The following FAM110B variants were observed in gnomAD, a reference collection of about 807,000 sequenced individuals.
FAM110B encodes the protein family with sequence similarity 110 member B, also known as protein FAM110B.
A neutral mutation model predicts 20.4 loss-of-function variants in FAM110B; 6 were observed. That is an observed-to-expected ratio of 0.29 (90% CI 0.16 to 0.58). The LOEUF (loss-of-function observed/expected upper bound fraction) is 0.58. FAM110B is among the 20% of genes least tolerant of loss of function. FAM110B has a pLI of 0.90. For synonymous variants in FAM110B, 226 were observed against 214.1 expected (o/e 1.06, Z -0.49); for missense variants, 434 against 498.2 (o/e 0.87, Z 1.23).
chr8:57,996,995 C>T (rs1386915784), intron 1 of FAM110B, among the ~76,000 whole-genome samples: 3 of 152,188 alleles, frequency 2.0e-5, no homozygotes, highest in Non-Finnish European at 4.4e-5. Context: ...AAATGATTGT[C>T]AGGAGTTTAC....
chr8:58,039,945 T>G (rs1450445611), intron 2 of FAM110B, among the ~76,000 whole-genome samples: 1 of 152,266 alleles, frequency 6.6e-6, no homozygotes, highest in East Asian at 1.9e-4. Flanking sequence ...GTCTCTAATT[T>G]TTAAATTTTG....
At chr8:58,104,022 A>C (rs1171581353) in intron 3 of FAM110B, among the ~76,000 whole-genome samples, 1 of 152,244 alleles carries the variant, frequency 6.6e-6, no homozygotes, top group Non-Finnish European at 1.5e-5. Flanking sequence ...TGAGTGAATA[A>C]AAGACTAAGG....
In FAM110B at chr8:58,146,290, C is replaced by G. The variant is rs765590554; in HGVS notation, c.60C>G (p.Thr20=). 1.2e-6 allele frequency: 2 copies of G among 1,613,818 alleles called. No individual in the cohort carries two copies. Among genetic ancestry groups the G allele is most frequent in the Non-Finnish European group, 1.7e-6 (2 of 1,179,920 alleles). Residue 20 remains threonine, a synonymous_variant, in exon 4 of 4, where the codon ACC becomes ACG. Transcript: ENST00000519262. The part of the protein sequence containing the change: ...SMVKPVSPAG[T]FTSAVPLRIL... Reference sequence around the variant, plus strand: ...TGAAGCCGGTCAGCCCCGCGGGCACCTTCACCTCTGCTGTGCCCCTGCGCA... The same window carrying G: ...TGAAGCCGGTCAGCCCCGCGGGCACGTTCACCTCTGCTGTGCCCCTGCGCA...
At chr8:58,100,212 G>A (rs924725439) in intron 3 of FAM110B, among the ~76,000 whole-genome samples, 5 of 151,526 alleles carry the variant, frequency 3.3e-5, no homozygotes, top group Non-Finnish European at 5.9e-5. Flanking sequence ...CACTGAAATG[G>A]CACTTCCCTG....
At chr8:58,025,384 G>A (rs1482026905) in intron 1 of FAM110B, among the ~76,000 whole-genome samples, 1 of 152,170 alleles carries the variant, frequency 6.6e-6, no homozygotes, top group Non-Finnish European at 1.5e-5. Context: ...AAGGCAAGAA[G>A]AAGCATGGCC....
At chr8:58,066,320 C>T (rs777380714) in intron 2 of FAM110B, among the ~76,000 whole-genome samples, 31 of 152,294 alleles carry the variant, frequency 2.0e-4, no homozygotes, top group Non-Finnish European at 3.4e-4. Flanking sequence ...AACTCACACT[C>T]GGTGTTCGGG....
chr8:58,107,444 C>G (rs1015077505), intron 3 of FAM110B, among the ~76,000 whole-genome samples: 7 of 152,124 alleles, frequency 4.6e-5, no homozygotes, highest in African/African-American at 1.4e-4. Context: ...AGTGACAGTT[C>G]TAGTCTCTTG....
chr8:58,079,525 G>A (rs895733979), intron 3 of FAM110B, among the ~76,000 whole-genome samples: 1 of 152,090 alleles, frequency 6.6e-6, no homozygotes, highest in South Asian at 2.1e-4. Context: ...GCTTGTAATC[G>A]CAGCACTTTT....
At chr8:58,022,083 G>A (rs935152266) in intron 1 of FAM110B, among the ~76,000 whole-genome samples, 2 of 152,160 alleles carry the variant, frequency 1.3e-5, no homozygotes, top group African/African-American at 4.8e-5. Flanking sequence ...CCTGCTAGTA[G>A]TGTAGTCAGG....
intron 3 of FAM110B, among the ~76,000 whole-genome samples, chr8:58,138,838 A>G (rs1803680419): frequency 6.6e-6 from 1 of 152,198 alleles, no homozygotes; most frequent in Admixed American, 6.5e-5. Flanking sequence ...AGTATTCCTC[A>G]GCACACCTCA....
intron 1 of FAM110B, among the ~76,000 whole-genome samples, chr8:58,029,475 G>A (rs1273833062): frequency 2.0e-5 from 3 of 152,160 alleles, no homozygotes; most frequent in African/African-American, 7.2e-5. Context: ...ACTTTTAACA[G>A]TGGGTTATAT....
chr8:58,102,639 G>A (rs1806805730), intron 3 of FAM110B, among the ~76,000 whole-genome samples: 1 of 152,062 alleles, frequency 6.6e-6, no homozygotes. Flanking sequence ...CACATGCAAC[G>A]ACTAAGCTGG....
chr8:58,108,226 G>A (rs1806969668), intron 3 of FAM110B, among the ~76,000 whole-genome samples: 1 of 152,264 alleles, frequency 6.6e-6, no homozygotes, highest in African/African-American at 2.4e-5. Context: ...CAAGATGCCA[G>A]TGATGGTCAA....
chr8:58,047,796 G>A (rs1449612656), intron 2 of FAM110B, among the ~76,000 whole-genome samples: 2 of 151,998 alleles, frequency 1.3e-5, no homozygotes, highest in African/African-American at 4.8e-5. Context: ...TATTCAGTGT[G>A]CATAATGAAT....
intron 2 of FAM110B, among the ~76,000 whole-genome samples, chr8:58,071,608 C>G: frequency 6.6e-6 from 1 of 152,168 alleles, no homozygotes; most frequent in East Asian, 1.9e-4. Flanking sequence ...ACCAACCGTG[C>G]CTCCCTCCCC....
intron 1 of FAM110B, among the ~76,000 whole-genome samples, chr8:58,014,841 G>A (rs999405352): frequency 6.6e-6 from 1 of 152,050 alleles, no homozygotes; most frequent in African/African-American, 2.4e-5. Flanking sequence ...AAAAGAAAAT[G>A]TTTTTGTACC....
intron 2 of FAM110B, among the ~76,000 whole-genome samples, chr8:58,048,073 C>T (rs1041846941): frequency 5.9e-5 from 9 of 152,280 alleles, no homozygotes; most frequent in African/African-American, 1.9e-4. Flanking sequence ...TTAAACCCAG[C>T]TTGAAGCTCT....
rs1807277673 is a variant in FAM110B, at chr8:58,118,595, A to G, written c.-324-27312A>G. On this transcript the variant is annotated intron_variant, in intron 3 of 3. Coordinates refer to ENST00000519262, the MANE Select transcript of FAM110B (RefSeq NM_001377989.1). ...CTGGGGCTGAGCTGCTGCTGCTTCC[A>G]AAGTGTCTGTGCTAAGGAGACTGTT... Among the ~76,000 whole-genome samples the G allele has an allele frequency of 2.6e-5, 4 of 152,138 alleles. No individual in the cohort carries two copies. The South Asian group carries it at 8.3e-4, about 32-fold the overall frequency.
chr8:58,095,034 C>A (rs942266337), intron 3 of FAM110B, among the ~76,000 whole-genome samples: 1 of 152,096 alleles, frequency 6.6e-6, no homozygotes, highest in Non-Finnish European at 1.5e-5. Context: ...TGTTTATTTG[C>A]GTAGAGGTGT....
Sources: allele counts gnomAD v4.1 joint callset (sites outside exome capture counted in the v4.1 genomes callset), GRCh38; gene constraint gnomAD v4.1.1; transcripts MANE v1.5; gene names NCBI Gene and HGNC (gene_info 2026-07-23, HGNC 2026-07-21).